The following GPATCH8 variants were observed in gnomAD, a reference collection of about 807,000 sequenced individuals.
GPATCH8 encodes G-patch domain containing 8.
In GPATCH8, 18 loss-of-function variants were observed where a neutral mutation model predicts 118.3. The observed-to-expected ratio is 0.15, with a 90% CI of 0.11 to 0.23. GPATCH8 has a LOEUF of 0.23. GPATCH8 is among the 10% of genes least tolerant of loss of function. The pLI, the probability that GPATCH8 is intolerant of heterozygous loss-of-function variation, is 1.00. For synonymous variants in GPATCH8, 659 were observed against 684.7 expected (o/e 0.96, Z 0.59); for missense variants, 1,631 against 1,873.8 (o/e 0.87, Z 2.39).
chr17:44,434,936 C>G, intron 5 of GPATCH8, 129 bp downstream of exon 5: 1 of 707,354 alleles, frequency 1.4e-6, no homozygotes, highest in South Asian at 1.5e-5. Flanking sequence ...AATCTGAGAT[C>G]TACTACTAAT....
At chr17:44,448,776 T>TA (rs538345312) in intron 3 of GPATCH8, among the ~76,000 whole-genome samples, 7,554 of 133,364 alleles carry the variant, frequency 0.057, 222 homozygotes, top group Middle Eastern at 0.078. Context: ...GCTAAGACTA[T>TA]AAAAAAAAAA....
At chr17:44,447,980 G>A (rs2050949782) in intron 3 of GPATCH8, among the ~76,000 whole-genome samples, 1 of 152,112 alleles carries the variant, frequency 6.6e-6, no homozygotes, top group Admixed American at 6.6e-5. Flanking sequence ...CACTCACTCT[G>A]TTGCCCCAGC....
intron 1 of GPATCH8, chr17:44,486,361 C>T (rs1968781453): frequency 6.6e-6 from 1 of 152,184 alleles, no homozygotes; most frequent in South Asian, 2.1e-4. Context: ...GCTGGGATTA[C>T]AGGCACACAG....
chr17:44,470,429 T>C (rs1967186298), intron 2 of GPATCH8, among the ~76,000 whole-genome samples: 1 of 151,620 alleles, frequency 6.6e-6, no homozygotes, highest in Non-Finnish European at 1.5e-5. Context: ...CTCCTGACCC[T>C]GTGATCCACC....
chr17:44,409,963 T>C (rs2049372232), intron 6 of GPATCH8, among the ~76,000 whole-genome samples: 1 of 152,182 alleles, frequency 6.6e-6, no homozygotes, highest in South Asian at 2.1e-4. Flanking sequence ...GTAGGAAAGG[T>C]TGATATAAAG....
At chr17:44,486,041 TG>T (rs1171595506) in intron 1 of GPATCH8, 3 of 152,194 alleles carry the variant, frequency 2.0e-5, no homozygotes, top group Admixed American at 6.6e-5. Context: ...ACTACAGGCA[TG>T]TATTAGCACA....
chr17:44,455,515 A>T (rs907282830), intron 3 of GPATCH8, among the ~76,000 whole-genome samples: 2 of 151,642 alleles, frequency 1.3e-5, no homozygotes, highest in African/African-American at 2.4e-5. Context: ...AAAAAAAATT[A>T]AAAAAAATAA....
chr17:44,427,192 C>T (rs376941342), intron 5 of GPATCH8, among the ~76,000 whole-genome samples: 13 of 151,878 alleles, frequency 8.6e-5, no homozygotes, highest in South Asian at 4.2e-4. Flanking sequence ...CCTCCCACCT[C>T]GGCCTTCTGA....
chr17:44,443,664 T>A (rs2050777877), intron 3 of GPATCH8, among the ~76,000 whole-genome samples: 3 of 152,150 alleles, frequency 2.0e-5, no homozygotes, highest in African/African-American at 7.2e-5. Context: ...TTAATTTGAT[T>A]TTTTTCTTCC....
chr17:44,466,922 TTTGTTG>T (rs919318922), intron 2 of GPATCH8, among the ~76,000 whole-genome samples: 15 of 151,222 alleles, frequency 9.9e-5, no homozygotes, highest in African/African-American at 1.5e-4. Flanking sequence ...CCCCCTCCAT[TTTGTTG>T]TTGTTGTTGT....
intron 6 of GPATCH8, among the ~76,000 whole-genome samples, chr17:44,408,495 G>A (rs2049315344): frequency 6.6e-6 from 1 of 152,132 alleles, no homozygotes; most frequent in Non-Finnish European, 1.5e-5. Context: ...ATACATTATG[G>A]CCTGCCATCT....
chr17:44,437,146 T>C (rs1020544547), intron 3 of GPATCH8, among the ~76,000 whole-genome samples: 6 of 152,300 alleles, frequency 3.9e-5, no homozygotes, highest in African/African-American at 1.4e-4. Flanking sequence ...AAAGAAACAA[T>C]TAGTTGCCCT....
intron 1 of GPATCH8, among the ~76,000 whole-genome samples, chr17:44,502,081 T>C (rs995204356): frequency 2.0e-5 from 3 of 152,182 alleles, no homozygotes; most frequent in African/African-American, 7.2e-5. Flanking sequence ...CAAGGCTTTT[T>C]AACAGCCCCC....
At chr17:44,418,342 G>C (rs530276584) in intron 6 of GPATCH8, among the ~76,000 whole-genome samples, 5 of 152,244 alleles carry the variant, frequency 3.3e-5, no homozygotes, top group African/African-American at 1.2e-4. Context: ...ATTTTTTAAA[G>C]ATATGCAAAA....
intron 6 of GPATCH8, among the ~76,000 whole-genome samples, chr17:44,409,682 G>A (rs1193913476): frequency 2.0e-5 from 3 of 152,176 alleles, no homozygotes; most frequent in African/African-American, 7.2e-5. Flanking sequence ...ACCTCTCTGA[G>A]TTCCAGCTCC....
chr17:44,406,804 T>A (rs1377476380), intron 6 of GPATCH8, among the ~76,000 whole-genome samples: 1 of 152,174 alleles, frequency 6.6e-6, no homozygotes, highest in Non-Finnish European at 1.5e-5. Context: ...GGTAACAGAA[T>A]GGGTCTTTTA....
chr17:44,482,573 CAAA>C (rs376299230), intron 1 of GPATCH8, among the ~76,000 whole-genome samples: 7 of 97,064 alleles, frequency 7.2e-5, no homozygotes, highest in Admixed American at 3.3e-4. Context: ...GACTCCATCT[CAAA>C]AAAAAAAAAA....
rs1354877796 is a variant in GPATCH8, at chr17:44,399,657, G to A, written c.2420C>T (p.Ser807Phe). The A allele has an allele frequency of 6.2e-7, 1 of 1,614,032 alleles. No homozygotes were observed. The highest frequency in any genetic ancestry group is 1.3e-5 in the African/African-American group (1 of 74,930). The change falls in exon 8 of 8, where the codon TCT (serine) becomes TTT (phenylalanine). Residue 807 changes from serine (S) to phenylalanine (F), a missense_variant. This residue lies in a region of GPATCH8 where 922 missense variants were observed against 879.7 expected (regional missense o/e 1.05). Transcript: ENST00000591680. Reference sequence around the variant, plus strand: ...ACTACTGGGTTGGCTCCGATGGCTAGACCGGCTGCTCCGTTTGGTGCCTGC... The same window carrying A: ...ACTACTGGGTTGGCTCCGATGGCTAAACCGGCTGCTCCGTTTGGTGCCTGC... ...RRAGTKRSSR[S>F]SHRSQPSSGD...
intron 3 of GPATCH8, 85 bp downstream of exon 3, chr17:44,464,387 T>A (rs1306770180): frequency 7.9e-6 from 7 of 890,964 alleles, no homozygotes; most frequent in East Asian, 7.2e-5. Context: ...AGTACTTTTT[T>A]AAAAACACAA....
Sources: gnomAD v4.1 joint callset for allele counts (sites outside exome capture counted in the v4.1 genomes callset) on GRCh38, gnomAD v4.1.1 for gene constraint, gnomAD v4.1.1 regional missense constraint, MANE v1.5 for transcripts, NCBI Gene and HGNC (gene_info 2026-07-23, HGNC 2026-07-21) for gene names.